The following VSTM4 variants were observed in gnomAD, a reference collection of about 807,000 sequenced individuals.
VSTM4 encodes V-set and transmembrane domain-containing protein 4.
Under a neutral mutation model 36.4 loss-of-function variants are expected in VSTM4, and 20 were observed. The ratio of observed to expected loss-of-function variants is 0.55; its 90% confidence interval spans 0.39 to 0.80. The LOEUF is 0.80. VSTM4 is among the 30% of genes least tolerant of loss of function. The probability of loss-of-function intolerance (pLI) is 0.00; values close to 1 mark genes in which losing one functional copy is unlikely to be tolerated. For synonymous variants in VSTM4, 182 were observed against 173.9 expected (o/e 1.05, Z -0.37); for missense variants, 392 against 404.5 (o/e 0.97, Z 0.26).
At chr10:49,034,928 T>G (rs890655804) in intron 7 of VSTM4, among the ~76,000 whole-genome samples, 2 of 152,126 alleles carry the variant, frequency 1.3e-5, no homozygotes, top group African/African-American at 2.4e-5. Context: ...AGAGAAAAAG[T>G]TTTTAAAAAT....
intron 2 of VSTM4, among the ~76,000 whole-genome samples, chr10:49,106,268 T>C (rs1371419570): frequency 6.6e-6 from 1 of 152,266 alleles, no homozygotes; most frequent in African/African-American, 2.4e-5. Flanking sequence ...TTTTGTTATA[T>C]GTGTACAATA....
chr10:49,064,679 A>C lies in VSTM4; in HGVS notation c.668+24T>G, dbSNP rs778396934. 8 of 1,602,516 alleles carry C rather than the reference A, an allele frequency of 5.0e-6. No homozygotes were observed. The Admixed American group carries it at 1.2e-4, about 25-fold the overall frequency. ...GTTAAATGGCAAAGAGTTTCATCTGAAAAAAGGAAGAAAATATTCTTACCT... is the reference window on the plus strand; with the variant it reads ...GTTAAATGGCAAAGAGTTTCATCTGCAAAAAGGAAGAAAATATTCTTACCT... On this transcript the variant is annotated intron_variant, in intron 5 of 7. Coordinates refer to ENST00000332853, the MANE Select transcript of VSTM4 (RefSeq NM_001031746.5).
chr10:49,040,078 G>A (rs190727158), intron 7 of VSTM4, among the ~76,000 whole-genome samples: 50 of 152,166 alleles, frequency 3.3e-4, no homozygotes. Flanking sequence ...AAGGGGATGA[G>A]GGAGCACTGA....
chr10:49,019,444 G>A lies in VSTM4; in HGVS notation c.*206C>T, dbSNP rs144519355. On this transcript the variant is annotated 3_prime_UTR_variant, in exon 8 of 8. Coordinates refer to ENST00000332853, the MANE Select transcript of VSTM4 (RefSeq NM_001031746.5). ...CTCAAACCCAGGCGCATCTTGTCCCGGGAGATCTGTCAAGAGCTGTGGCCC... is the reference window on the plus strand; with the variant it reads ...CTCAAACCCAGGCGCATCTTGTCCCAGGAGATCTGTCAAGAGCTGTGGCCC... The A allele has an allele frequency of 2.3e-3, 1,176 of 511,922 alleles. 3 individuals are homozygous for A. Among genetic ancestry groups the A allele is most frequent in the Middle Eastern group, 4.7e-3 (8 of 1,688 alleles). 31.7% of individuals were successfully genotyped at this position (511,922 alleles called of 1,614,324 possible).
chr10:49,074,113 A>G (rs1390981500), intron 4 of VSTM4, among the ~76,000 whole-genome samples: 2 of 152,168 alleles, frequency 1.3e-5, no homozygotes, highest in African/African-American at 4.8e-5. Flanking sequence ...TCTAGCGTTT[A>G]TTTCAAGCGT....
At chr10:49,035,321 G>T (rs1249635308) in intron 7 of VSTM4, among the ~76,000 whole-genome samples, 1 of 152,160 alleles carries the variant, frequency 6.6e-6, no homozygotes, top group African/African-American at 2.4e-5. Flanking sequence ...ATAGAAGACT[G>T]GGAAAGCAAT....
At chr10:49,036,334 G>A (rs568511151) in intron 7 of VSTM4, among the ~76,000 whole-genome samples, 186 of 152,302 alleles carry the variant, frequency 1.2e-3, no homozygotes, top group African/African-American at 4.2e-3. Flanking sequence ...TGGTACTAGC[G>A]TGGTACAAGC....
At chr10:49,108,097 T>C in intron 1 of VSTM4, 102 bp from the exon 2 acceptor site, 1 of 1,402,152 alleles carries the variant, frequency 7.1e-7, no homozygotes, top group Non-Finnish European at 9.4e-7. Context: ...GCACTGGGCA[T>C]CCTAGTGCTC....
At position 49,019,572 on chromosome 10, in the gene VSTM4, C is replaced by T. The variant is rs1843149253; in HGVS notation, c.*78G>A. 2.0e-6 allele frequency: 3 copies of T among 1,509,350 alleles called. No homozygotes were observed. The highest frequency in any genetic ancestry group is 1.9e-4 in the Middle Eastern group (1 of 5,164). The allele number at this position is 1,509,350 out of a possible 1,614,324, so 93.5% of individuals were successfully genotyped here. A position where few individuals can be genotyped will look rare whatever the true frequency, so the allele number is the denominator to read the frequency against. On this transcript the variant is annotated 3_prime_UTR_variant, in exon 8 of 8. Coordinates refer to ENST00000332853, the MANE Select transcript of VSTM4 (RefSeq NM_001031746.5). ...CAGAAGGCATGAGTGAAAATACAGACATAAGGGCTTTGTCTCCAAGGCTTC... is the reference window on the plus strand; with the variant it reads ...CAGAAGGCATGAGTGAAAATACAGATATAAGGGCTTTGTCTCCAAGGCTTC...
intron 2 of VSTM4, among the ~76,000 whole-genome samples, chr10:49,091,946 A>T (rs1266519579): frequency 1.3e-5 from 2 of 152,170 alleles, no homozygotes; most frequent in Non-Finnish European, 2.9e-5. Context: ...TTCGATGGAG[A>T]GGAAAGTGGT....
chr10:49,079,693 C>G (rs1266898116), intron 3 of VSTM4, among the ~76,000 whole-genome samples: 1 of 152,044 alleles, frequency 6.6e-6, no homozygotes, highest in Non-Finnish European at 1.5e-5. Flanking sequence ...GTGTCCAATA[C>G]CAGGAACACT....
chr10:49,038,651 G>A (rs1453352374), intron 7 of VSTM4, among the ~76,000 whole-genome samples: 2 of 152,162 alleles, frequency 1.3e-5, no homozygotes, highest in Non-Finnish European at 2.9e-5. Context: ...ATGGGCTAAG[G>A]CGGGATATCC....
rs1002711136 is a variant in VSTM4, at chr10:49,105,813, C to T, written c.457+1781G>A. 2.6e-5 allele frequency among the ~76,000 whole-genome samples: 4 copies of T among 151,484 alleles called. No homozygotes were observed. The East Asian group carries it at 7.7e-4, about 29-fold the overall frequency. On this transcript the variant is annotated intron_variant, in intron 2 of 7. Coordinates refer to ENST00000332853, the MANE Select transcript of VSTM4 (RefSeq NM_001031746.5). ...CAAACACCAAAAACAACACAATTCA[C>T]ACATACACACGTATCATATGTGTGT... is the stretch of plus-strand genomic sequence containing the variant.
chr10:49,071,304 C>T (rs567476754), intron 4 of VSTM4, among the ~76,000 whole-genome samples: 3 of 152,270 alleles, frequency 2.0e-5, no homozygotes, highest in Non-Finnish European at 4.4e-5. Context: ...AGGACTAATT[C>T]GCGAACAAGC....
At chr10:49,103,675 GGA>G (rs746934497) in intron 2 of VSTM4, 10 of 1,588,142 alleles carry the variant, frequency 6.3e-6, no homozygotes, top group Admixed American at 1.8e-5. Flanking sequence ...AGGGAAATGA[GGA>G]GAGACCAGGC....
At position 49,014,387 on chromosome 10, in the gene VSTM4, T is replaced by C. The variant is rs1366386571; in HGVS notation, c.*5263A>G. On this transcript the variant is annotated 3_prime_UTR_variant, in exon 8 of 8. Transcript: ENST00000332853. ...CTAAATTGGAGTGACGCTAATAGCA[T>C]TGTGTTTATTAGAAATTGGGCACCA... The C allele has an allele frequency of 6.6e-6, 1 of 152,194 alleles. No homozygotes were observed. Among genetic ancestry groups the C allele is most frequent in the Non-Finnish European group, 1.5e-5 (1 of 68,040 alleles). The allele number at this position is 152,194 out of a possible 1,614,324, so 9.4% of individuals were successfully genotyped here. A position where few individuals can be genotyped will look rare whatever the true frequency, so the allele number is the denominator to read the frequency against.
intron 2 of VSTM4, among the ~76,000 whole-genome samples, chr10:49,089,187 T>G (rs1385271883): frequency 6.6e-6 from 1 of 152,206 alleles, no homozygotes; most frequent in Non-Finnish European, 1.5e-5. Flanking sequence ...TCAGAGTAGA[T>G]GCAGGGGTTA....
chr10:49,107,739 C>G lies in VSTM4; in HGVS notation c.312G>C (p.Glu104Asp), dbSNP rs141990292. 2 of 1,614,218 alleles carry G rather than the reference C, an allele frequency of 1.2e-6. No homozygotes were observed. The highest frequency in any genetic ancestry group is 4.5e-5 in the East Asian group (2 of 44,886). ...AKRRRLRLLE[E>D]QRGALYRLSV... ...AGAGCCTGTAGAGCGCCCCCCGCTG[C>G]TCCTCCAGCAGGCGCAGCCTCCGCC... is the stretch of plus-strand genomic sequence containing the variant. Residue 104 changes from glutamate (E) to aspartate (D), a missense_variant, in exon 2 of 8, where the codon GAG becomes GAC. Transcript: ENST00000332853.
Position 49,089,657 on chromosome 10 carries a change from A to G in VSTM4, c.458-3634T>C, listed in dbSNP as rs553427298. Among the ~76,000 whole-genome samples the G allele has an allele frequency of 2.0e-4, 31 of 152,368 alleles. 1 individual carries two copies. The South Asian group carries it at 6.2e-3, about 31-fold the overall frequency. ...GTGCAGATATTTCACAGGACGGTGCAGCAACTTTGGCATCTGATTATTAGA... is the reference window on the plus strand; with the variant it reads ...GTGCAGATATTTCACAGGACGGTGCGGCAACTTTGGCATCTGATTATTAGA... On this transcript the variant is annotated intron_variant, in intron 2 of 7. Coordinates refer to ENST00000332853, the MANE Select transcript of VSTM4 (RefSeq NM_001031746.5).
Sources: gnomAD v4.1 joint callset for allele counts (sites outside exome capture counted in the v4.1 genomes callset) on GRCh38, gnomAD v4.1.1 for gene constraint, MANE v1.5 for transcripts, NCBI Gene and HGNC (gene_info 2026-07-23, HGNC 2026-07-21) for gene names.